The following PRPH2 variants were observed in gnomAD, a reference collection of about 807,000 sequenced individuals.
The protein encoded by PRPH2 is peripherin-2.
PRPH2 carries 17 observed loss-of-function variants against 31.3 expected under a neutral mutation model. That is an observed-to-expected ratio of 0.54 (90% CI 0.37 to 0.81). The LOEUF is 0.81. PRPH2 is among the 40% of genes least tolerant of loss of function. PRPH2 has a pLI of 0.00. For synonymous variants in PRPH2, 165 were observed against 184.4 expected (o/e 0.89, Z 0.85); for missense variants, 430 against 439.7 (o/e 0.98, Z 0.20).
intron 1 of PRPH2, among the ~76,000 whole-genome samples, chr6:42,715,683 A>G (rs952704313): frequency 2.0e-5 from 3 of 152,184 alleles, no homozygotes; most frequent in Non-Finnish European, 2.9e-5. Flanking sequence ...AAAACAAAAC[A>G]AAACAAAACA....
At chr6:42,712,019 TG>T (rs1761665030) in intron 1 of PRPH2, 2 of 966,928 alleles carry the variant, frequency 2.1e-6, no homozygotes, top group Non-Finnish European at 1.2e-6. Context: ...AGAGCGGCAC[TG>T]TAGGAAATGT....
At chr6:42,721,560 T>TA (rs2152010774) in intron 1 of PRPH2, among the ~76,000 whole-genome samples, 194 bp downstream of exon 1, 1 of 152,302 alleles carries the variant, frequency 6.6e-6, no homozygotes, top group South Asian at 2.1e-4. Context: ...TGTCATTTTT[T>TA]ATGGGTCAAA....
At position 42,721,959 on chromosome 6, in the gene PRPH2, G is replaced by T; in HGVS notation, c.376C>A (p.Leu126Met). The T allele has an allele frequency of 6.2e-7, 1 of 1,614,060 alleles. No homozygotes were observed. The stretch of plus-strand genomic sequence containing the variant: ...AGCCCTTGGCCCAGGGTGTTCTCCA[G>T]CGAGCCCCGAAGCAGAAAGCAGCAG... ...ALCCFLLRGSLENTLGQGLKN... is the reference protein window; with the variant it reads ...ALCCFLLRGSMENTLGQGLKN... The change falls in exon 1 of 3, where the codon CTG becomes ATG. Residue 126 changes from leucine to methionine, a missense_variant. By Grantham distance (15) the Leu-to-Met change is conservative. Coordinates refer to ENST00000230381, the MANE Select transcript of PRPH2 (RefSeq NM_000322.5).
rs1174219697 is a variant in PRPH2 at position 42,696,763 on chromosome 6, G to A, written c.*1532C>T. Reference sequence around the variant, plus strand: ...GGCTGGCTCAGCATTTTTTCAGTATGGATCATTCCTTGGCCTCAACGAGAT... The same window carrying A: ...GGCTGGCTCAGCATTTTTTCAGTATAGATCATTCCTTGGCCTCAACGAGAT... On this transcript the variant is annotated 3_prime_UTR_variant, in exon 3 of 3. Coordinates refer to ENST00000230381, the MANE Select transcript of PRPH2 (RefSeq NM_000322.5). The A allele has an allele frequency of 2.0e-5, 3 of 151,952 alleles. No homozygotes were observed. The highest frequency in any genetic ancestry group is 7.3e-5 in the African/African-American group (3 of 41,350). 9.4% of individuals were successfully genotyped at this position (151,952 alleles called of 1,614,324 possible).
At chr6:42,721,087 TAGG>T (rs1761893764) in intron 1 of PRPH2, among the ~76,000 whole-genome samples, 1 of 152,182 alleles carries the variant, frequency 6.6e-6, no homozygotes, top group Non-Finnish European at 1.5e-5. Context: ...CAGGCAGGGC[TAGG>T]AGGTGACTTC....
At chr6:42,699,526 G>A (rs927560859) in intron 2 of PRPH2, among the ~76,000 whole-genome samples, 5 of 152,130 alleles carry the variant, frequency 3.3e-5, no homozygotes, top group African/African-American at 9.7e-5. Flanking sequence ...TTATTCATCC[G>A]GTTTGCAGAT....
intron 1 of PRPH2, among the ~76,000 whole-genome samples, chr6:42,706,495 T>C (rs675825): frequency 1 from 151,227 of 151,360 alleles, 75,547 homozygotes; most frequent in African/African-American, 1. Flanking sequence ...GTCCCAGCTA[T>C]TCGGGAGGCT....
rs755984632 is a variant in PRPH2 at position 42,704,506 on chromosome 6, G to A, written c.687C>T (p.Asn229=). The stretch of plus-strand genomic sequence containing the variant: ...GGTCGTAACTGTAGTGTGCTGAGTT[G>A]TTGGTGATCTGATACTGGATGCAGG... The part of the protein sequence containing the change: ...PRPCIQYQIT[N]NSAHYSYDHQ... Residue 229 remains asparagine, a synonymous_variant, in exon 2 of 3, where the codon AAC becomes AAT. Transcript: ENST00000230381. 6.2e-7 allele frequency: 1 copy of A among 1,614,224 alleles called. No individual in the cohort carries two copies. The highest frequency in any genetic ancestry group is 8.5e-7 in the Non-Finnish European group (1 of 1,180,038).
chr6:42,713,117 T>C (rs984823558), intron 1 of PRPH2, among the ~76,000 whole-genome samples: 7 of 151,008 alleles, frequency 4.6e-5, no homozygotes, highest in Non-Finnish European at 7.4e-5. Context: ...CCCAGCTACT[T>C]GGGAGGCTGA....
chr6:42,707,323 T>G (rs565111985), intron 1 of PRPH2, among the ~76,000 whole-genome samples: 31 of 152,176 alleles, frequency 2.0e-4, no homozygotes, highest in African/African-American at 7.5e-4. Flanking sequence ...GAAGTTTGGG[T>G]TTTTCCCAGT....
chr6:42,707,133 C>T (rs142920492), intron 1 of PRPH2, among the ~76,000 whole-genome samples: 14 of 152,174 alleles, frequency 9.2e-5, no homozygotes, highest in African/African-American at 2.4e-4. Flanking sequence ...CTCCTGATCT[C>T]GAGTGATCCA....
At position 42,714,434 on chromosome 6, in the gene PRPH2, G is replaced by A. The variant is rs77166572; in HGVS notation, c.581+7320C>T. 3.5e-3 allele frequency among the ~76,000 whole-genome samples: 529 copies of A among 152,284 alleles called. 4 individuals are homozygous for A. Among genetic ancestry groups the A allele is most frequent in the African/African-American group, 0.012 (503 of 41,560 alleles). On this transcript the variant is annotated intron_variant, in intron 1 of 2. Transcript: ENST00000230381. Reference sequence around the variant, plus strand: ...AAATTGATTGTAATGCTGGTTGTCCGACTGTGAATATACTAAAAACCATTG... The same window carrying A: ...AAATTGATTGTAATGCTGGTTGTCCAACTGTGAATATACTAAAAACCATTG...
At position 42,698,486 on chromosome 6, in the gene PRPH2, G is replaced by C; in HGVS notation, c.850C>G (p.Arg284Gly). 6.2e-7 allele frequency: 1 copy of C among 1,614,158 alleles called. No individual in the cohort carries two copies. Among genetic ancestry groups the C allele is most frequent in the Non-Finnish European group, 8.5e-7 (1 of 1,180,034 alleles). Residue 284 changes from arginine to glycine, a missense_variant, in exon 3 of 3, where the codon CGC (arginine) becomes GGC (glycine). Physicochemically the swap from Arg to Gly is moderately radical, Grantham distance 125 (BLOSUM62 -2). Coordinates refer to ENST00000230381, the MANE Select transcript of PRPH2 (RefSeq NM_000322.5). ...CCATCCAGCGACGTCTGTAGGTAGCGCAGCCCAATTGTAATGGTCACCTGG... is the reference window on the plus strand; with the variant it reads ...CCATCCAGCGACGTCTGTAGGTAGCCCAGCCCAATTGTAATGGTCACCTGG... ...LFEVTITIGLRYLQTSLDGVS... is the reference protein window; with the variant it reads ...LFEVTITIGLGYLQTSLDGVS...
chr6:42,704,533 C>T lies in PRPH2; in HGVS notation c.660G>A (p.Arg220=), dbSNP rs1475028095. Residue 220 remains arginine, a synonymous_variant, in exon 2 of 3, where the codon CGG becomes CGA. Transcript: ENST00000230381. ...PFSCCNPSSP[R]PCIQYQITNN... is the part of the protein sequence containing the mutation. ...TGGTGATCTGATACTGGATGCAGGG[C>T]CGTGGCGAGCTAGGATTGCAGCAGC... 4.3e-6 allele frequency: 7 copies of T among 1,614,038 alleles called. No individual in the cohort carries two copies. Among genetic ancestry groups the T allele is most frequent in the South Asian group, 1.1e-5 (1 of 91,082 alleles).
chr6:42,708,895 T>C (rs1800222029), intron 1 of PRPH2, among the ~76,000 whole-genome samples: 1 of 152,206 alleles, frequency 6.6e-6, no homozygotes, highest in Admixed American at 6.5e-5. Context: ...TGACACAGGC[T>C]GGACATGCTG....
intron 1 of PRPH2, among the ~76,000 whole-genome samples, chr6:42,714,442 A>C (rs1263051931): frequency 6.6e-6 from 1 of 152,236 alleles, no homozygotes; most frequent in Non-Finnish European, 1.5e-5. Flanking sequence ...CCGACTGTGA[A>C]TATACTAAAA....
At chr6:42,713,091 G>T (rs977495607) in intron 1 of PRPH2, among the ~76,000 whole-genome samples, 1 of 151,874 alleles carries the variant, frequency 6.6e-6, no homozygotes, top group Non-Finnish European at 1.5e-5. Context: ...CAGGTATGAT[G>T]GTGGGCACCT....
intron 2 of PRPH2, among the ~76,000 whole-genome samples, chr6:42,701,495 T>C (rs984555751): frequency 1.3e-5 from 2 of 151,488 alleles, no homozygotes; most frequent in Admixed American, 6.6e-5. Flanking sequence ...CTGGGCTCAA[T>C]TGATCCTCCT....
At chr6:42,716,867 G>C (rs1456697485) in intron 1 of PRPH2, among the ~76,000 whole-genome samples, 1 of 147,422 alleles carries the variant, frequency 6.8e-6, no homozygotes, top group African/African-American at 2.5e-5. Context: ...TGATCCACCC[G>C]CCTCAGCCTC....
Sources: allele counts gnomAD v4.1 joint callset (sites outside exome capture counted in the v4.1 genomes callset), GRCh38; gene constraint gnomAD v4.1.1; transcripts MANE v1.5; gene names NCBI Gene and HGNC (gene_info 2026-07-23, HGNC 2026-07-21).